The following INSYN2A variants were observed in gnomAD, a reference collection of about 807,000 sequenced individuals.
The protein encoded by INSYN2A is family with sequence similarity 196 member A.
INSYN2A carries 17 observed loss-of-function variants against 39.4 expected under a neutral mutation model. That is an observed-to-expected ratio of 0.43 (90% CI 0.30 to 0.65). The LOEUF (loss-of-function observed/expected upper bound fraction) is 0.65. INSYN2A is among the 30% of genes least tolerant of loss of function. The pLI, the probability that INSYN2A is intolerant of heterozygous loss-of-function variation, is 0.14. For synonymous variants in INSYN2A, 255 were observed against 265.7 expected (o/e 0.96, Z 0.39); for missense variants, 595 against 631.2 (o/e 0.94, Z 0.61).
chr10:127,136,887 A>G lies in INSYN2A; in HGVS notation c.*950T>C, dbSNP rs777248653. On this transcript the variant is annotated 3_prime_UTR_variant, in exon 6 of 6. Coordinates refer to ENST00000522781, the MANE Select transcript of INSYN2A (RefSeq NM_001039762.3). ...TACATAACGTCTGGCTGCACTTACCATGGCTAACAGTGTCTCGGAGGATCG... is the reference window on the plus strand; with the variant it reads ...TACATAACGTCTGGCTGCACTTACCGTGGCTAACAGTGTCTCGGAGGATCG... 5 of 152,610 alleles carry G rather than the reference A, an allele frequency of 3.3e-5. No individual in the cohort carries two copies. The highest frequency in any genetic ancestry group is 7.3e-5 in the Non-Finnish European group (5 of 68,042). 9.5% of individuals were successfully genotyped at this position (152,610 alleles called of 1,614,324 possible).
rs1417744851 is a variant in INSYN2A at position 127,185,619 on chromosome 10, A to G, written c.-269+6986T>C. Among the ~76,000 whole-genome samples, 3 of 152,218 alleles carry G rather than the reference A, an allele frequency of 2.0e-5. No homozygotes were observed. The East Asian group carries it at 5.8e-4, about 29-fold the overall frequency. ...GGCTTCCAAGGAGTCTTTTTACATT[A>G]TCTGGATCCTCACATTAGGTAGAAC... is the stretch of plus-strand genomic sequence containing the variant. On this transcript the variant is annotated intron_variant, in intron 2 of 5. Transcript: ENST00000522781.
chr10:127,166,173 C>A (rs1363022991), intron 4 of INSYN2A, among the ~76,000 whole-genome samples: 1 of 152,212 alleles, frequency 6.6e-6, no homozygotes, highest in Non-Finnish European at 1.5e-5. Flanking sequence ...TCACTCCATT[C>A]TCCTGCCTCA....
chr10:127,191,769 C>T (rs187251094), intron 2 of INSYN2A, among the ~76,000 whole-genome samples: 28 of 152,294 alleles, frequency 1.8e-4, no homozygotes, highest in African/African-American at 6.7e-4. Flanking sequence ...TAAAAAGGCC[C>T]TCATGCCATC....
At chr10:127,152,245 G>A (rs1171751465) in intron 5 of INSYN2A, among the ~76,000 whole-genome samples, 1 of 152,180 alleles carries the variant, frequency 6.6e-6, no homozygotes, top group Non-Finnish European at 1.5e-5. Context: ...TTTTATGTCA[G>A]TGTTACAGCC....
Position 127,175,090 on chromosome 10 carries a change from A to T in INSYN2A, c.1184+122T>A. 1.2e-6 allele frequency: 1 copy of T among 855,484 alleles called. No individual in the cohort carries two copies. The highest frequency in any genetic ancestry group is 1.9e-6 in the Non-Finnish European group (1 of 531,282). The allele number at this position is 855,484 out of a possible 1,614,324, so 53.0% of individuals were successfully genotyped here. A position where few individuals can be genotyped will look rare whatever the true frequency, so the allele number is the denominator to read the frequency against. ...CCCTTGGAGCTCGCCACGCCCTTAG[A>T]CTATGACCTGTTTACGGAAATGCTG... On this transcript the variant is annotated intron_variant, in intron 4 of 5. Coordinates refer to ENST00000522781, the MANE Select transcript of INSYN2A (RefSeq NM_001039762.3). This position sits in a 1 kb window ranked among gnomAD's most constrained non-coding sequence, Gnocchi z 6.3.
At chr10:127,154,041 T>C in intron 4 of INSYN2A, 118 bp from the exon 5 acceptor site, 1 of 716,770 alleles carries the variant, frequency 1.4e-6, no homozygotes, top group Admixed American at 2.1e-5. Flanking sequence ...TCATGGAAAT[T>C]GATTAATGCA....
chr10:127,140,638 A>AAGTCTCTGGGTTGAGTTTGACACACGG, intron 5 of INSYN2A, among the ~76,000 whole-genome samples: 1 of 147,056 alleles, frequency 6.8e-6, no homozygotes, highest in Non-Finnish European at 1.5e-5. Context: ...TTGACACACC[A>AAGTCTCTGGGTTGAGTTTGACACACGG]AGTCTCTGGG....
At position 127,135,562 on chromosome 10, in the gene INSYN2A, C is replaced by A. The variant is rs2483856; in HGVS notation, c.*2275G>T. On this transcript the variant is annotated 3_prime_UTR_variant, in exon 6 of 6. Coordinates refer to ENST00000522781, the MANE Select transcript of INSYN2A (RefSeq NM_001039762.3). Reference sequence around the variant, plus strand: ...GCGTTTTACCTTGCTTTTGTATCAGCGTTTTTACTTGAATCTTTCCAAGAG... The same window carrying A: ...GCGTTTTACCTTGCTTTTGTATCAGAGTTTTTACTTGAATCTTTCCAAGAG... The A allele has an allele frequency of 0.98, 150,169 of 152,780 alleles. 73,854 individuals are homozygous for A. Among genetic ancestry groups the A allele is most frequent in the Middle Eastern group, 1 (294 of 294 alleles). 9.5% of individuals were successfully genotyped at this position (152,780 alleles called of 1,614,324 possible). A position where few individuals can be genotyped will look rare whatever the true frequency, so the allele number is the denominator to read the frequency against.
intron 4 of INSYN2A, among the ~76,000 whole-genome samples, chr10:127,158,946 A>G (rs2053338248): frequency 6.6e-6 from 1 of 152,148 alleles, no homozygotes; most frequent in South Asian, 2.1e-4. Flanking sequence ...CCATCCTTCT[A>G]GAACTGGGTT....
chr10:127,167,754 C>T (rs1433020537), intron 4 of INSYN2A, among the ~76,000 whole-genome samples: 1 of 152,058 alleles, frequency 6.6e-6, no homozygotes, highest in Non-Finnish European at 1.5e-5. Context: ...CTGGTCCTGT[C>T]CTTTTCTCTG....
intron 2 of INSYN2A, among the ~76,000 whole-genome samples, 188 bp downstream of exon 2, chr10:127,192,417 C>A (rs894731730): frequency 3.9e-5 from 6 of 152,162 alleles, no homozygotes; most frequent in African/African-American, 9.7e-5. Flanking sequence ...CCAATTAGAG[C>A]TGGGAATACA....
chr10:127,149,360 C>A (rs1362072957), intron 5 of INSYN2A, among the ~76,000 whole-genome samples: 2 of 152,106 alleles, frequency 1.3e-5, no homozygotes, highest in Non-Finnish European at 2.9e-5. Context: ...TGGTGGTTTT[C>A]CCCCCGCCTT....
intron 1 of INSYN2A, 90 bp from the exon 2 acceptor site, chr10:127,192,820 C>T (rs1283482481): frequency 5.3e-5 from 8 of 152,180 alleles, no homozygotes; most frequent in African/African-American, 1.2e-4. Context: ...GTCCAAACAA[C>T]TTGTTTACAG....
intron 5 of INSYN2A, among the ~76,000 whole-genome samples, chr10:127,147,822 G>A (rs1403614700): frequency 6.6e-6 from 1 of 151,794 alleles, no homozygotes; most frequent in Non-Finnish European, 1.5e-5. Context: ...CATGAGGTCA[G>A]GAGTTTGAGA....
chr10:127,137,828 C>A lies in INSYN2A; in HGVS notation c.*9G>T. The A allele has an allele frequency of 6.2e-7, 1 of 1,609,636 alleles. No homozygotes were observed. The highest frequency in any genetic ancestry group is 1.1e-5 in the South Asian group (1 of 90,290). On this transcript the variant is annotated 3_prime_UTR_variant, in exon 6 of 6. Transcript: ENST00000522781. ...AAAGACGGCCTCGAGACTCCAGACA[C>A]CGTGAGTGTTAAAGGAACCAGAGTT...
At chr10:127,149,745 C>T (rs1324774330) in intron 5 of INSYN2A, among the ~76,000 whole-genome samples, 2 of 152,164 alleles carry the variant, frequency 1.3e-5, no homozygotes, top group Non-Finnish European at 2.9e-5. Context: ...TGTGATGGCC[C>T]CACGTGTTCT....
At chr10:127,194,912 G>A (rs1031587171) in intron 1 of INSYN2A, among the ~76,000 whole-genome samples, 1 of 152,148 alleles carries the variant, frequency 6.6e-6, no homozygotes, top group Non-Finnish European at 1.5e-5. Flanking sequence ...CCGCTTCACC[G>A]CTGCTTCTGG....
intron 5 of INSYN2A, among the ~76,000 whole-genome samples, chr10:127,148,657 A>G (rs1409800266): frequency 6.6e-6 from 1 of 152,236 alleles, no homozygotes; most frequent in Non-Finnish European, 1.5e-5. Flanking sequence ...TTAGTCCGAC[A>G]AAAGAATTAC....
chr10:127,171,623 C>G (rs77904154), intron 4 of INSYN2A, among the ~76,000 whole-genome samples: 3,336 of 152,270 alleles, frequency 0.022, 117 homozygotes, highest in African/African-American at 0.072. Flanking sequence ...GGGAGAGGAA[C>G]TGACTTTCCC....
Sources: allele counts gnomAD v4.1 joint callset (sites outside exome capture counted in the v4.1 genomes callset), GRCh38; gene constraint gnomAD v4.1.1; non-coding constraint Gnocchi (gnomAD v3.1); transcripts MANE v1.5; gene names NCBI Gene and HGNC (gene_info 2026-07-23, HGNC 2026-07-21).